The following AKR1C8 variants were observed in gnomAD, a reference collection of about 807,000 sequenced individuals.
AKR1C8 encodes the protein aldo-keto reductase family 1 member C8, also known as aldo-keto reductase family 1 member C-like protein 1.
chr10:5,121,154 C>T, the AKR1C8 span, among the ~76,000 whole-genome samples: 1 of 152,004 alleles, frequency 6.6e-6, no homozygotes, highest in Admixed American at 6.6e-5. Context: ...TTCCCTATTT[C>T]TACACTCCCC....
chr10:5,118,486 C>A, the AKR1C8 span, among the ~76,000 whole-genome samples: 2 of 152,088 alleles, frequency 1.3e-5, no homozygotes, highest in Non-Finnish European at 1.5e-5. Context: ...ATAATTTACA[C>A]AGAAAGGTGG....
chr10:5,125,833 C>A, the AKR1C8 span, among the ~76,000 whole-genome samples: 1 of 152,180 alleles, frequency 6.6e-6, no homozygotes, highest in East Asian at 1.9e-4. Flanking sequence ...TCACAGGATC[C>A]CTTGCCAATA....
At chr10:5,119,442 G>A in the AKR1C8 span, among the ~76,000 whole-genome samples, 2 of 151,874 alleles carry the variant, frequency 1.3e-5, no homozygotes, top group African/African-American at 4.8e-5. Context: ...CACAAAACAA[G>A]CATAAATATT....
the AKR1C8 span, among the ~76,000 whole-genome samples, chr10:5,131,842 C>T: frequency 3.9e-5 from 6 of 151,964 alleles, no homozygotes; most frequent in Non-Finnish European, 8.8e-5. Flanking sequence ...CCACTACTGG[C>T]ATCTATCAAA....
chr10:5,177,816 G>C, the AKR1C8 span, among the ~76,000 whole-genome samples: 184 of 151,982 alleles, frequency 1.2e-3, 1 homozygote, highest in African/African-American at 4.3e-3. Context: ...CTGTGGGATC[G>C]GTGGTGATAT....
the AKR1C8 span, chr10:5,158,838 T>G: frequency 2.5e-6 from 1 of 394,494 alleles, no homozygotes; most frequent in South Asian, 2.0e-5. Context: ...GTTGGCCCTT[T>G]TCCCCATGCA....
chr10:5,175,339 T>A, the AKR1C8 span, among the ~76,000 whole-genome samples: 19,430 of 152,090 alleles, frequency 0.13, 1,502 homozygotes, highest in Admixed American at 0.17. Context: ...TATTCCATGG[T>A]GTATATGTGC....
the AKR1C8 span, among the ~76,000 whole-genome samples, chr10:5,166,053 T>A: frequency 2.0e-5 from 3 of 152,046 alleles, no homozygotes; most frequent in Non-Finnish European, 2.9e-5. Flanking sequence ...CCACCCTGGG[T>A]CACTCTAAAA....
chr10:5,178,483 A>C, the AKR1C8 span, among the ~76,000 whole-genome samples: 5 of 152,144 alleles, frequency 3.3e-5, no homozygotes, highest in African/African-American at 9.7e-5. Context: ...AGTTCTGTAG[A>C]TGTCTATTAG....
the AKR1C8 span, among the ~76,000 whole-genome samples, chr10:5,171,852 G>A: frequency 6.6e-6 from 1 of 152,026 alleles, no homozygotes; most frequent in Non-Finnish European, 1.5e-5. Flanking sequence ...CCTTTGAATG[G>A]AGGTAAAAAT....
chr10:5,124,763 G>A, the AKR1C8 span, among the ~76,000 whole-genome samples: 1 of 152,124 alleles, frequency 6.6e-6, no homozygotes, highest in Non-Finnish European at 1.5e-5. Context: ...TTGCAAAGGG[G>A]AAAACACATC....
the AKR1C8 span, chr10:5,123,595 C>T: frequency 1.0e-6 from 1 of 993,596 alleles, no homozygotes; most frequent in Non-Finnish European, 1.5e-6. Context: ...GTCAGAAATG[C>T]AAATTCTCAC....
the AKR1C8 span, among the ~76,000 whole-genome samples, chr10:5,151,234 A>T: frequency 1.3e-5 from 2 of 152,138 alleles, no homozygotes; most frequent in Non-Finnish European, 1.5e-5. Flanking sequence ...ATCCAGGAGC[A>T]ATTTATGGAA....
At chr10:5,143,170 T>C in the AKR1C8 span, among the ~76,000 whole-genome samples, 1 of 152,088 alleles carries the variant, frequency 6.6e-6, no homozygotes, top group East Asian at 1.9e-4. Context: ...CCTAATTCAA[T>C]ATGGGAAACA....
the AKR1C8 span, among the ~76,000 whole-genome samples, chr10:5,166,410 A>G: frequency 6.6e-6 from 1 of 152,218 alleles, no homozygotes; most frequent in African/African-American, 2.4e-5. Context: ...ACAGTACCCA[A>G]AACAGCATGG....
At chr10:5,171,018 G>A in the AKR1C8 span, among the ~76,000 whole-genome samples, 9 of 152,116 alleles carry the variant, frequency 5.9e-5, no homozygotes, top group South Asian at 2.1e-4. Flanking sequence ...CAAAACGAAG[G>A]ATTACAATAC....
the AKR1C8 span, among the ~76,000 whole-genome samples, chr10:5,130,324 G>A: frequency 5.9e-5 from 9 of 151,932 alleles, no homozygotes; most frequent in South Asian, 2.1e-4. Context: ...ATACTGAATG[G>A]AGAAAAGTTT....
At chr10:5,145,895 G>A in the AKR1C8 span, among the ~76,000 whole-genome samples, 2 of 152,010 alleles carry the variant, frequency 1.3e-5, no homozygotes, top group Middle Eastern at 3.4e-3. Flanking sequence ...AGACACATGT[G>A]CACATATGTT....
chr10:5,136,171 T>C, the AKR1C8 span, among the ~76,000 whole-genome samples: 1 of 152,332 alleles, frequency 6.6e-6, no homozygotes, highest in East Asian at 1.9e-4. Flanking sequence ...TTCATAAAAC[T>C]GGAATCTAAT....
Sources: gnomAD v4.1 joint callset for allele counts (sites outside exome capture counted in the v4.1 genomes callset) on GRCh38, gnomAD v4.1.1 for gene constraint, MANE v1.5 for transcripts, NCBI Gene and HGNC (gene_info 2026-07-23, HGNC 2026-07-21) for gene names.